ZRANB3: variants seen among roughly 807,000 people sequenced by gnomAD.
ZRANB3 encodes the protein zinc finger RANBP2-type containing 3, also known as DNA annealing helicase and endonuclease ZRANB3.
Under a neutral mutation model 133.8 loss-of-function variants are expected in ZRANB3, and 125 were observed. The observed-to-expected ratio is 0.93, with a 90% CI of 0.81 to 1.08. The LOEUF is 1.08. ZRANB3 is among the 50% of genes least tolerant of loss of function. ZRANB3 has a pLI of 0.00. For missense variants in ZRANB3, 1,229 were observed against 1,275.5 expected, an observed-to-expected ratio of 0.96 and a Z score of 0.56; for synonymous variants, 387 against 432.7, an observed-to-expected ratio of 0.89 and a Z score of 1.31.
chr2:135,526,990 T>C lies in ZRANB3; in HGVS notation c.-8+4137A>G, dbSNP rs533391367. 2.4e-4 allele frequency among the ~76,000 whole-genome samples: 37 copies of C among 152,288 alleles called. No homozygotes were observed. The South Asian group carries it at 4.2e-3, about 17-fold the overall frequency. On this transcript the variant is annotated intron_variant, in intron 1 of 20. Transcript: ENST00000264159. Reference sequence around the variant, plus strand: ...ATAGCCTGGAAGTCCCCACTTTGAGTTGTCCCGCCTTTCTAAACCAAACCA... The same window carrying C: ...ATAGCCTGGAAGTCCCCACTTTGAGCTGTCCCGCCTTTCTAAACCAAACCA...
At chr2:135,234,117 A>C (rs1417548827) in intron 12 of ZRANB3, among the ~76,000 whole-genome samples, 3 of 152,338 alleles carry the variant, frequency 2.0e-5, no homozygotes, top group Admixed American at 2.0e-4. Context: ...AGCAAATGGA[A>C]AACAAAAAAA....
chr2:135,248,541 A>G (rs1170373139), intron 12 of ZRANB3, among the ~76,000 whole-genome samples: 1 of 152,182 alleles, frequency 6.6e-6, no homozygotes, highest in African/African-American at 2.4e-5. Flanking sequence ...GCATCTGACA[A>G]AGGTCTAATA....
chr2:135,464,807 T>G (rs765520879), intron 2 of ZRANB3, among the ~76,000 whole-genome samples: 3 of 152,216 alleles, frequency 2.0e-5, no homozygotes, highest in African/African-American at 7.2e-5. Context: ...TGTCTTTCAT[T>G]TAATATTTTA....
At chr2:135,304,106 A>T (rs979674583) in intron 8 of ZRANB3, among the ~76,000 whole-genome samples, 2 of 152,180 alleles carry the variant, frequency 1.3e-5, no homozygotes, top group Non-Finnish European at 2.9e-5. Context: ...TCTAGCCTTA[A>T]TGCACAGCTA....
intron 12 of ZRANB3, among the ~76,000 whole-genome samples, 174 bp downstream of exon 12, chr2:135,265,360 C>T (rs1485131931): frequency 6.6e-6 from 1 of 152,116 alleles, no homozygotes; most frequent in African/African-American, 2.4e-5. Flanking sequence ...ACAGTAAGTA[C>T]TAAAACTGTT....
chr2:135,321,474 ATTT>A (rs34493241), intron 6 of ZRANB3, among the ~76,000 whole-genome samples: 3 of 134,024 alleles, frequency 2.2e-5, no homozygotes, highest in African/African-American at 5.7e-5. Flanking sequence ...GAGTTTTGGG[ATTT>A]TTTTTTTTTT....
intron 8 of ZRANB3, among the ~76,000 whole-genome samples, chr2:135,290,962 G>T (rs1252450307): frequency 4.6e-5 from 7 of 152,070 alleles, no homozygotes; most frequent in African/African-American, 1.2e-4. Flanking sequence ...GAGTGCAGTG[G>T]TATGTTCTTG....
intron 2 of ZRANB3, among the ~76,000 whole-genome samples, chr2:135,453,831 G>T (rs1690379112): frequency 6.6e-6 from 1 of 152,164 alleles, no homozygotes; most frequent in Admixed American, 6.5e-5. Flanking sequence ...ACCTCTGCCT[G>T]TTACCCAGTT....
At chr2:135,307,860 A>G (rs1682779700) in intron 8 of ZRANB3, among the ~76,000 whole-genome samples, 2 of 152,168 alleles carry the variant, frequency 1.3e-5, no homozygotes, top group Admixed American at 1.3e-4. Flanking sequence ...ATGAACCTCA[A>G]ATTCCCCCAG....
At chr2:135,414,665 C>T (rs1438239765) in intron 2 of ZRANB3, among the ~76,000 whole-genome samples, 1 of 152,068 alleles carries the variant, frequency 6.6e-6, no homozygotes, top group African/African-American at 2.4e-5. Flanking sequence ...TTTTCAGCAC[C>T]ACACCACACC....
intron 12 of ZRANB3, among the ~76,000 whole-genome samples, chr2:135,260,355 G>A (rs934718513): frequency 7.2e-5 from 11 of 152,152 alleles, no homozygotes; most frequent in African/African-American, 2.7e-4. Context: ...TTACTTATGG[G>A]ACAGCCAACT....
At chr2:135,219,468 C>A (rs1014165784) in intron 15 of ZRANB3, among the ~76,000 whole-genome samples, 10 of 152,186 alleles carry the variant, frequency 6.6e-5, no homozygotes, top group African/African-American at 2.2e-4. Flanking sequence ...ATACTCTTTT[C>A]TATTGACTAA....
chr2:135,205,787 G>T (rs1053464752), intron 19 of ZRANB3, among the ~76,000 whole-genome samples: 3 of 152,180 alleles, frequency 2.0e-5, no homozygotes, highest in African/African-American at 7.2e-5. Flanking sequence ...ATTTTTCAAT[G>T]CAATGAACAC....
intron 2 of ZRANB3, among the ~76,000 whole-genome samples, chr2:135,424,069 G>A (rs1014174776): frequency 6.6e-6 from 1 of 152,104 alleles, no homozygotes; most frequent in Admixed American, 6.5e-5. Context: ...GTTTAAAAAA[G>A]CAAGTCGGAG....
At chr2:135,507,354 G>C (rs13419633) in intron 1 of ZRANB3, among the ~76,000 whole-genome samples, 4,841 of 152,256 alleles carry the variant, frequency 0.032, 249 homozygotes, top group African/African-American at 0.11. Flanking sequence ...GAGAGATAGA[G>C]AATGGATACA....
intron 8 of ZRANB3, among the ~76,000 whole-genome samples, chr2:135,289,501 C>G (rs947455435): frequency 6.6e-6 from 1 of 152,116 alleles, no homozygotes; most frequent in Non-Finnish European, 1.5e-5. Context: ...TGATCTACCC[C>G]CCTCAGCCTC....
intron 1 of ZRANB3, among the ~76,000 whole-genome samples, chr2:135,504,950 A>G (rs1182488236): frequency 2.0e-5 from 3 of 152,100 alleles, no homozygotes; most frequent in Non-Finnish European, 4.4e-5. Context: ...TAAAAAAATT[A>G]TAAAATACAA....
At chr2:135,308,217 A>T (rs1453264735) in intron 8 of ZRANB3, among the ~76,000 whole-genome samples, 1 of 152,018 alleles carries the variant, frequency 6.6e-6, no homozygotes, top group African/African-American at 2.4e-5. Context: ...GCAGTAACAG[A>T]TCTCTGTCTT....
intron 2 of ZRANB3, among the ~76,000 whole-genome samples, chr2:135,391,163 T>G (rs1250115566): frequency 6.6e-6 from 1 of 152,148 alleles, no homozygotes; most frequent in Non-Finnish European, 1.5e-5. Flanking sequence ...CCGGCCAAAG[T>G]GAACCATTTT....
Sources: allele counts gnomAD v4.1 joint callset (sites outside exome capture counted in the v4.1 genomes callset), GRCh38; gene constraint gnomAD v4.1.1; transcripts MANE v1.5; gene names NCBI Gene and HGNC (gene_info 2026-07-23, HGNC 2026-07-21).